Variants in CUL3 observed in about 807,000 individuals in gnomAD.
CUL3 encodes the protein cullin-3.
Under a neutral mutation model 89.1 loss-of-function variants are expected in CUL3, and 19 were observed. The observed-to-expected ratio is 0.21, with a 90% CI of 0.15 to 0.31. The LOEUF is 0.31. Ranked by LOEUF, CUL3 falls within the 10% of genes least tolerant of loss-of-function variation. CUL3 has a pLI of 1.00. For missense variants in CUL3, 469 were observed against 942.3 expected (o/e 0.50, Z 6.58); for synonymous variants, 351 against 308.4 (o/e 1.14, Z -1.45).
At chr2:224,499,849 C>T (rs775765138) in intron 11 of CUL3, 30 of 191,290 alleles carry the variant, frequency 1.6e-4, no homozygotes, top group African/African-American at 2.6e-4. Flanking sequence ...ACTGGATAAG[C>T]CAATTATTTT....
intron 6 of CUL3, among the ~76,000 whole-genome samples, chr2:224,507,730 A>G (rs1486642974): frequency 6.6e-6 from 1 of 152,118 alleles, no homozygotes; most frequent in East Asian, 1.9e-4. Flanking sequence ...CCATTTTTTA[A>G]TATCATTTTT....
At chr2:224,534,446 A>C (rs551353845) in intron 3 of CUL3, among the ~76,000 whole-genome samples, 23 of 152,352 alleles carry the variant, frequency 1.5e-4, no homozygotes, top group Non-Finnish European at 2.6e-4. Context: ...TATCAGAAAA[A>C]ATAATTGTAT....
In CUL3 at chr2:224,474,423, C is replaced by T. The variant is rs200094064; in HGVS notation, c.2176-47G>A. 8.9e-4 allele frequency: 1,370 copies of T among 1,535,294 alleles called. 9 individuals carry two copies. Among genetic ancestry groups the T allele is most frequent in the South Asian group, 3.5e-3 (295 of 85,196 alleles). On this transcript the variant is annotated intron_variant, in intron 15 of 15. Coordinates refer to ENST00000264414, the MANE Select transcript of CUL3 (RefSeq NM_003590.5). ...ATTTTTATATAAACACATAAAAATTCGTATCTTTGAACAGAACTGATATGT... is the reference window on the plus strand; with the variant it reads ...ATTTTTATATAAACACATAAAAATTTGTATCTTTGAACAGAACTGATATGT...
chr2:224,549,288 A>T (rs1436310023), intron 2 of CUL3, among the ~76,000 whole-genome samples: 1 of 152,032 alleles, frequency 6.6e-6, no homozygotes, highest in Non-Finnish European at 1.5e-5. Flanking sequence ...ACTGCACTCC[A>T]GCCTGGGCGA....
intron 2 of CUL3, among the ~76,000 whole-genome samples, chr2:224,542,570 TGCGC>T (rs145744409): frequency 4.0e-5 from 6 of 150,890 alleles, no homozygotes; most frequent in Non-Finnish European, 7.4e-5. Flanking sequence ...TGTGTGTGTG[TGCGC>T]GCGCGCATGC....
At chr2:224,517,571 G>T (rs1693105471) in intron 3 of CUL3, among the ~76,000 whole-genome samples, 1 of 152,166 alleles carries the variant, frequency 6.6e-6, no homozygotes, top group African/African-American at 2.4e-5. Context: ...TACTCGGGAG[G>T]CTGAGGCAGA....
chr2:224,527,790 T>A (rs1236941624), intron 3 of CUL3, among the ~76,000 whole-genome samples: 1 of 152,142 alleles, frequency 6.6e-6, no homozygotes, highest in Non-Finnish European at 1.5e-5. Flanking sequence ...TTCTATTTCA[T>A]GGACCATATG....
chr2:224,498,052 G>C lies in CUL3; in HGVS notation c.1611-203C>G, dbSNP rs1481646380. Among the ~76,000 whole-genome samples the C allele has an allele frequency of 3.9e-5, 6 of 152,060 alleles. No homozygotes were observed. In the East Asian group the frequency reaches 1.2e-3, roughly 29 times the overall value. On this transcript the variant is annotated intron_variant, in intron 11 of 15. Coordinates refer to ENST00000264414, the MANE Select transcript of CUL3 (RefSeq NM_003590.5). ...GAGAGAGTCCTAAGTAACTCAGCTA[G>C]ATATTAAATGACAAAGGCCCCACAC...
At chr2:224,580,587 G>C (rs1216073387) in intron 1 of CUL3, among the ~76,000 whole-genome samples, 2 of 152,108 alleles carry the variant, frequency 1.3e-5, no homozygotes, top group Non-Finnish European at 2.9e-5. Flanking sequence ...GGGAGACTGA[G>C]ACACAAGAAT....
At chr2:224,545,660 G>A (rs1694266935) in intron 2 of CUL3, among the ~76,000 whole-genome samples, 2 of 152,154 alleles carry the variant, frequency 1.3e-5, no homozygotes, top group African/African-American at 4.8e-5. Context: ...GCAAAACAGG[G>A]TGCTTGGCAC....
Position 224,511,433 on chromosome 2 carries a change from G to A in CUL3, c.804C>T (p.Leu268=), listed in dbSNP as rs2106215285. The A allele has an allele frequency of 6.2e-7, 1 of 1,613,876 alleles. No homozygotes were observed. The highest frequency in any genetic ancestry group is 8.5e-7 in the Non-Finnish European group (1 of 1,179,884). ...EPIVKVVERE[L]ISKHMKTIVE... ...CTATAGTCTTCATGTGCTTGGAAAT[G>A]AGTTCCCTTTCAACCACCTTTACAA... Residue 268 remains leucine (L), a synonymous_variant, in exon 6 of 16, where the codon CTC becomes CTT. Coordinates refer to ENST00000264414, the MANE Select transcript of CUL3 (RefSeq NM_003590.5).
chr2:224,556,921 C>G (rs944692784), intron 2 of CUL3, among the ~76,000 whole-genome samples: 3 of 151,872 alleles, frequency 2.0e-5, no homozygotes, highest in South Asian at 4.1e-4. Flanking sequence ...GAGTTCACAT[C>G]GTGCTATTCA....
intron 2 of CUL3, among the ~76,000 whole-genome samples, chr2:224,546,698 C>G (rs765924954): frequency 2.0e-5 from 3 of 151,834 alleles, no homozygotes; most frequent in South Asian, 2.1e-4. Context: ...AAAGTACAGT[C>G]TACCTAACAA....
At chr2:224,561,974 A>G (rs997621291) in intron 1 of CUL3, among the ~76,000 whole-genome samples, 1 of 152,248 alleles carries the variant, frequency 6.6e-6, no homozygotes, top group Non-Finnish European at 1.5e-5. Context: ...CCTCAAAGAT[A>G]CCTATACTGC....
chr2:224,489,603 A>G (rs144341719), intron 13 of CUL3, among the ~76,000 whole-genome samples: 158 of 152,314 alleles, frequency 1.0e-3, no homozygotes, highest in African/African-American at 3.6e-3. Context: ...AAAATATTCT[A>G]TGCTCATGGA....
chr2:224,514,572 A>G, intron 4 of CUL3, 40 bp downstream of exon 4: 1 of 1,539,958 alleles, frequency 6.5e-7, no homozygotes, highest in Non-Finnish European at 8.8e-7. Context: ...AGATATAATC[A>G]CTAAAACCAA....
intron 1 of CUL3, among the ~76,000 whole-genome samples, chr2:224,576,442 C>G (rs1363154936): frequency 6.6e-6 from 1 of 152,152 alleles, no homozygotes; most frequent in African/African-American, 2.4e-5. Flanking sequence ...TGATCTTTAA[C>G]GACCCTCTAC....
chr2:224,491,814 A>C (rs948566672), intron 13 of CUL3, among the ~76,000 whole-genome samples: 8 of 152,220 alleles, frequency 5.3e-5, no homozygotes, highest in African/African-American at 1.9e-4. Context: ...TCATCTATAG[A>C]GATCAAATGG....
chr2:224,501,684 A>G (rs3768888), intron 10 of CUL3, among the ~76,000 whole-genome samples: 27,519 of 152,098 alleles, frequency 0.18, 2,774 homozygotes, highest in South Asian at 0.27. Context: ...TGCACAGAAG[A>G]GAGGATCATA....
Sources: allele counts gnomAD v4.1 joint callset (sites outside exome capture counted in the v4.1 genomes callset), GRCh38; gene constraint gnomAD v4.1.1; transcripts MANE v1.5; gene names NCBI Gene and HGNC (gene_info 2026-07-23, HGNC 2026-07-21).